Variants in ZNF536 observed in about 807,000 individuals in gnomAD.
ZNF536 encodes zinc finger protein 536.
In ZNF536, 13 loss-of-function variants were observed where a neutral mutation model predicts 84.5. The observed-to-expected ratio is 0.15, with a 90% confidence interval of 0.10 to 0.24. ZNF536 has a LOEUF of 0.24. ZNF536 is among the 10% of genes least tolerant of loss of function. The probability of loss-of-function intolerance (pLI) is 1.00; values close to 1 mark genes in which losing one functional copy is unlikely to be tolerated. For synonymous variants in ZNF536, 811 were observed against 742.5 expected, an observed-to-expected ratio of 1.09 and a Z score of -1.50; for missense variants, 1,536 against 1,747.5, an observed-to-expected ratio of 0.88 and a Z score of 2.16.
chr19:30,374,187 G>T (rs939638123), intron 1 of ZNF536, among the ~76,000 whole-genome samples: 2 of 152,058 alleles, frequency 1.3e-5, no homozygotes, highest in African/African-American at 2.4e-5. Flanking sequence ...TATAAAGAAA[G>T]AGTTTTTTTT....
intron 1 of ZNF536, among the ~76,000 whole-genome samples, chr19:30,277,861 T>G (rs1475567717): frequency 6.6e-6 from 1 of 152,158 alleles, no homozygotes; most frequent in Non-Finnish European, 1.5e-5. Flanking sequence ...CTGGCAGAAG[T>G]TAGCAGAGGG....
chr19:30,572,508 C>G (rs1000578473), intron 1 of ZNF536, among the ~76,000 whole-genome samples: 2 of 152,166 alleles, frequency 1.3e-5, no homozygotes, highest in African/African-American at 4.8e-5. Flanking sequence ...TCCTGGGGAA[C>G]GAGGAAACAG....
intron 2 of ZNF536, among the ~76,000 whole-genome samples, chr19:30,301,371 C>T (rs960099422): frequency 5.3e-5 from 8 of 152,150 alleles, no homozygotes; most frequent in East Asian, 1.9e-4. Flanking sequence ...AGCGGCGATG[C>T]GGACGCTGTT....
Position 30,548,308 on chromosome 19 carries a change from T to C in ZNF536, c.2689T>C (p.Phe897Leu). Reference protein sequence around the residue: ...GTDLPSKSTHFSEIGRAYQSI... With the variant: ...GTDLPSKSTHLSEIGRAYQSI... ...TGACCTTCCTTCCAAAAGCACCCACTTCTCTGAGATCGGAAGAGCTTATCA... is the reference window on the plus strand; with the variant it reads ...TGACCTTCCTTCCAAAAGCACCCACCTCTCTGAGATCGGAAGAGCTTATCA... The change falls in exon 4 of 5, where the codon TTC becomes CTC. Residue 897 changes from phenylalanine to leucine, a missense_variant. Phe to Leu is a conservative substitution (Grantham distance 22, BLOSUM62 0). Transcript: ENST00000355537. 6.2e-7 allele frequency: 1 copy of C among 1,614,210 alleles called. No individual in the cohort carries two copies. Among genetic ancestry groups the C allele is most frequent in the Non-Finnish European group, 8.5e-7 (1 of 1,180,030 alleles).
chr19:30,527,323 T>C (rs936910545), intron 2 of ZNF536, among the ~76,000 whole-genome samples: 3 of 148,232 alleles, frequency 2.0e-5, no homozygotes, highest in African/African-American at 7.5e-5. Context: ...AATGGAACTC[T>C]GCCCAGTTTT....
At chr19:30,634,104 A>G (rs2048982602) in intron 1 of ZNF536, among the ~76,000 whole-genome samples, 1 of 151,780 alleles carries the variant, frequency 6.6e-6, no homozygotes. Flanking sequence ...TCCCTGTGCT[A>G]GCTGGGCAGA....
exon 2 of ZNF536, chr19:30,712,619 G>A (rs1376536664): frequency 6.6e-6 from 1 of 152,160 alleles, no homozygotes; most frequent in Non-Finnish European, 1.5e-5. Flanking sequence ...GTTTGCATAT[G>A]CTGTCAAAAG....
At chr19:30,560,530 C>T (rs1438943632), downstream of ZNF536, among the ~76,000 whole-genome samples, 1 of 152,154 alleles carries the variant, frequency 6.6e-6, no homozygotes, top group Non-Finnish European at 1.5e-5. Flanking sequence ...CTACCCTCAG[C>T]CTGAGACCTG....
rs367869075 is a variant in ZNF536, at chr19:30,646,353, T to C, written c.170-64404T>C. Among the ~76,000 whole-genome samples, 6 of 152,350 alleles carry C rather than the reference T, an allele frequency of 3.9e-5. No individual in the cohort carries two copies. The South Asian group carries it at 8.3e-4, about 21-fold the overall frequency. ...GCCTCTGGGGAAAGAAGCTTGAGCCTGCGCACACATGTTCACGACTGTGTG... is the reference window on the plus strand; with the variant it reads ...GCCTCTGGGGAAAGAAGCTTGAGCCCGCGCACACATGTTCACGACTGTGTG... On this transcript the variant is annotated intron_variant, in intron 1 of 1. Coordinates refer to the ZNF536 transcript ENST00000592773.
intron 1 of ZNF536, among the ~76,000 whole-genome samples, chr19:30,390,717 G>A (rs1193757332): frequency 6.6e-6 from 1 of 152,178 alleles, no homozygotes; most frequent in Non-Finnish European, 1.5e-5. Context: ...CCCACTGGCA[G>A]AGCAGGAGGC....
At chr19:30,486,939 C>T (rs2054324535) in intron 2 of ZNF536, among the ~76,000 whole-genome samples, 1 of 152,210 alleles carries the variant, frequency 6.6e-6, no homozygotes, top group Non-Finnish European at 1.5e-5. Flanking sequence ...CACAGTTCAT[C>T]TGCTCTAGTA....
intron 1 of ZNF536, among the ~76,000 whole-genome samples, chr19:30,578,529 C>A (rs1319023323): frequency 2.0e-5 from 3 of 152,370 alleles, no homozygotes; most frequent in East Asian, 3.9e-4. Context: ...CTGGCCTGGT[C>A]TCTATGTAAG....
At chr19:30,457,053 A>AC (rs1293877017) in intron 2 of ZNF536, among the ~76,000 whole-genome samples, 1 of 151,454 alleles carries the variant, frequency 6.6e-6, no homozygotes, top group African/African-American at 2.4e-5. Context: ...AAAAAAAAAA[A>AC]AAACAAAAAA....
At chr19:30,562,049 G>A (rs532586198), downstream of ZNF536, among the ~76,000 whole-genome samples, 3 of 152,318 alleles carry the variant, frequency 2.0e-5, no homozygotes, top group South Asian at 2.1e-4. Flanking sequence ...AGACTGGCGG[G>A]CTGGTCTGGG....
chr19:30,613,087 A>G, intron 1 of ZNF536, among the ~76,000 whole-genome samples: 1 of 152,222 alleles, frequency 6.6e-6, no homozygotes, highest in South Asian at 2.1e-4. Flanking sequence ...TGTACCAAAG[A>G]TGCCATGGGA....
intron 1 of ZNF536, among the ~76,000 whole-genome samples, chr19:30,652,652 C>T (rs2049753099): frequency 6.6e-6 from 1 of 152,164 alleles, no homozygotes; most frequent in African/African-American, 2.4e-5. Flanking sequence ...AACTTTTCCC[C>T]CTTTACTGTG....
chr19:30,504,840 G>A (rs1277482666), intron 2 of ZNF536, among the ~76,000 whole-genome samples: 6 of 152,098 alleles, frequency 3.9e-5, no homozygotes, highest in East Asian at 1.9e-4. Context: ...GACCTGGGGC[G>A]CCATTTCCGA....
intron 2 of ZNF536, among the ~76,000 whole-genome samples, chr19:30,526,453 G>T (rs867055905): frequency 8.0e-6 from 1 of 125,124 alleles, no homozygotes; most frequent in African/African-American, 2.5e-5. Flanking sequence ...GGCCGGGCGC[G>T]GTGGCTCACG....
At chr19:30,235,419 C>T (rs765127398) in intron 1 of ZNF536, among the ~76,000 whole-genome samples, 3 of 152,156 alleles carry the variant, frequency 2.0e-5, no homozygotes, top group African/African-American at 7.2e-5. Flanking sequence ...AAATGTCAAC[C>T]GGAACTTGCT....
Sources: allele counts gnomAD v4.1 joint callset (sites outside exome capture counted in the v4.1 genomes callset), GRCh38; gene constraint gnomAD v4.1.1; transcripts MANE v1.5; gene names NCBI Gene and HGNC (gene_info 2026-07-23, HGNC 2026-07-21).